The following ATG7 variants were observed in gnomAD, a reference collection of about 807,000 sequenced individuals.
ATG7 encodes the protein autophagy related 7.
Under a neutral mutation model 82.4 loss-of-function variants are expected in ATG7, and 70 were observed. The observed-to-expected ratio is 0.85, with a 90% CI of 0.70 to 1.04. The LOEUF is 1.04. ATG7 is among the 50% of genes least tolerant of loss of function. ATG7 has a pLI of 0.00. For synonymous variants in ATG7, 287 were observed against 313.0 expected (o/e 0.92, Z 0.88); for missense variants, 792 against 864.3 (o/e 0.92, Z 1.05).
Position 11,315,382 on chromosome 3 carries a change from A to C in ATG7, c.567A>C (p.Gln189His). ...AGTGTGCATATGATAATCTTTGTCA[A>C]ACAGAAGGAGTCACAGCTCTTCCTT... is the stretch of plus-strand genomic sequence containing the variant. ...ALECAYDNLC[Q>H]TEGVTALPYF... Residue 189 changes from glutamine (Q) to histidine (H), a missense_variant, in exon 9 of 21, where the codon CAA (glutamine) becomes CAC (histidine). By Grantham distance (24) the Gln-to-His change is conservative. Transcript: ENST00000693202. 6.2e-7 allele frequency: 1 copy of C among 1,609,190 alleles called. No individual in the cohort carries two copies. Among genetic ancestry groups the C allele is most frequent in the Non-Finnish European group, 8.5e-7 (1 of 1,178,362 alleles).
intron 20 of ATG7, among the ~76,000 whole-genome samples, chr3:11,437,874 A>G (rs760149405): frequency 6.6e-6 from 1 of 152,224 alleles, no homozygotes; most frequent in African/African-American, 2.4e-5. Context: ...ACAGAGTACC[A>G]TCATCACAGA....
At chr3:11,404,526 T>C (rs1559550495) in intron 19 of ATG7, among the ~76,000 whole-genome samples, 2 of 151,824 alleles carry the variant, frequency 1.3e-5, no homozygotes, top group Non-Finnish European at 2.9e-5. Flanking sequence ...ATTCTTAAGG[T>C]CAGCTAGACT....
At chr3:11,486,084 C>T (rs2089610389) in intron 20 of ATG7, among the ~76,000 whole-genome samples, 1 of 152,078 alleles carries the variant, frequency 6.6e-6, no homozygotes, top group Non-Finnish European at 1.5e-5. Context: ...TGAAGAAGGT[C>T]CTTGGTAGCT....
At chr3:11,541,796 GAA>G (rs2070858459) in intron 20 of ATG7, among the ~76,000 whole-genome samples, 1 of 152,108 alleles carries the variant, frequency 6.6e-6, no homozygotes, top group South Asian at 2.1e-4. Flanking sequence ...TTTTTAAAGG[GAA>G]ACTTTTCAAA....
downstream of ATG7, among the ~76,000 whole-genome samples, chr3:11,560,520 G>A (rs1270539331): frequency 6.6e-6 from 1 of 152,154 alleles, no homozygotes; most frequent in African/African-American, 2.4e-5. Flanking sequence ...GCAGTAGCTG[G>A]TATAAAGACA....
chr3:11,285,219 A>G (rs1340745873), intron 3 of ATG7, among the ~76,000 whole-genome samples: 2 of 128,542 alleles, frequency 1.6e-5, no homozygotes, highest in Non-Finnish European at 3.1e-5. Context: ...TCACCCTGTC[A>G]CGCAGGCTGG....
intron 19 of ATG7, among the ~76,000 whole-genome samples, chr3:11,389,396 T>C (rs2078596271): frequency 6.6e-6 from 1 of 151,564 alleles, no homozygotes; most frequent in Non-Finnish European, 1.5e-5. Context: ...TGACCTTCTC[T>C]AGTTTTATAT....
At chr3:11,447,409 G>A (rs1173373145) in intron 20 of ATG7, among the ~76,000 whole-genome samples, 1 of 151,460 alleles carries the variant, frequency 6.6e-6, no homozygotes, top group Admixed American at 6.6e-5. Context: ...GGAGGTTGCA[G>A]TGAGCCGAGA....
intron 13 of ATG7, among the ~76,000 whole-genome samples, chr3:11,345,039 A>G (rs11926165): frequency 0.063 from 9,562 of 152,270 alleles, 475 homozygotes; most frequent in African/African-American, 0.14. Context: ...GAACAATTTA[A>G]ATAAATGAAT....
chr3:11,406,244 CCT>C (rs1348586325), intron 19 of ATG7, among the ~76,000 whole-genome samples: 1 of 152,130 alleles, frequency 6.6e-6, no homozygotes, highest in Non-Finnish European at 1.5e-5. Context: ...CCCACCCCAG[CCT>C]CTCAAAGTGC....
At chr3:11,479,830 C>T (rs572670342) in intron 20 of ATG7, among the ~76,000 whole-genome samples, 1 of 152,246 alleles carries the variant, frequency 6.6e-6, no homozygotes, top group South Asian at 2.1e-4. Context: ...TCTCCTTCTC[C>T]ACTTAGGGCT....
intron 3 of ATG7, chr3:11,290,609 C>CT (rs1944816967): frequency 3.1e-6 from 1 of 321,678 alleles, no homozygotes; most frequent in African/African-American, 2.3e-5. Context: ...GGTAGGCAGA[C>CT]TTTATTTTAG....
chr3:11,503,540 C>G (rs182601654), intron 20 of ATG7, among the ~76,000 whole-genome samples: 1 of 151,868 alleles, frequency 6.6e-6, no homozygotes, highest in Admixed American at 6.6e-5. Context: ...GGGCAGATCA[C>G]GAAGTCAGGA....
intron 14 of ATG7, among the ~76,000 whole-genome samples, chr3:11,357,187 G>C (rs2075991160): frequency 1.3e-5 from 2 of 152,166 alleles, no homozygotes; most frequent in African/African-American, 4.8e-5. Context: ...GTGATATACA[G>C]GGGTTAAAGG....
intron 20 of ATG7, among the ~76,000 whole-genome samples, chr3:11,458,315 G>A (rs770521947): frequency 3.4e-4 from 51 of 152,058 alleles, no homozygotes; most frequent in Non-Finnish European, 5.4e-4. Flanking sequence ...CCAGGATGGA[G>A]TGCAGCGGCA....
intron 20 of ATG7, among the ~76,000 whole-genome samples, chr3:11,554,257 C>G (rs757772481): frequency 6.6e-5 from 10 of 152,216 alleles, no homozygotes; most frequent in Admixed American, 3.3e-4. Context: ...TTGCTCCAGG[C>G]CACCTCCACC....
intron 7 of ATG7, among the ~76,000 whole-genome samples, chr3:11,309,357 T>C (rs1472930825): frequency 1.3e-5 from 2 of 152,172 alleles, no homozygotes; most frequent in African/African-American, 2.4e-5. Flanking sequence ...ACGCCTTTGT[T>C]AAATACCATC....
intron 20 of ATG7, among the ~76,000 whole-genome samples, chr3:11,551,715 C>T (rs1028501092): frequency 6.6e-6 from 1 of 152,050 alleles, no homozygotes; most frequent in Non-Finnish European, 1.5e-5. Context: ...CAGGCACGAG[C>T]CGCTGTGCCC....
At chr3:11,525,704 G>A (rs867286624) in intron 20 of ATG7, among the ~76,000 whole-genome samples, 7 of 151,598 alleles carry the variant, frequency 4.6e-5, no homozygotes, top group African/African-American at 1.7e-4. Flanking sequence ...ACAGGTACCC[G>A]CCACCACACC....
Sources: gnomAD v4.1 joint callset for allele counts (sites outside exome capture counted in the v4.1 genomes callset) on GRCh38, gnomAD v4.1.1 for gene constraint, MANE v1.5 for transcripts, NCBI Gene and HGNC (gene_info 2026-07-23, HGNC 2026-07-21) for gene names.